The following DMAC2L variants were observed in gnomAD, a reference collection of about 807,000 sequenced individuals.
DMAC2L encodes distal membrane arm assembly component 2 like.
Under a neutral mutation model 22.5 loss-of-function variants are expected in DMAC2L, and 21 were observed. The observed-to-expected ratio is 0.93, with a 90% CI of 0.66 to 1.34. The LOEUF is 1.34. Among genes scored for constraint, DMAC2L ranks in the 40% most tolerant of loss-of-function variants. The probability of loss-of-function intolerance (pLI) is 0.00; values close to 1 mark genes in which losing one functional copy is unlikely to be tolerated. For synonymous variants in DMAC2L, 86 were observed against 89.5 expected (o/e 0.96, Z 0.22); for missense variants, 239 against 246.5 (o/e 0.97, Z 0.20).
chr14:50,319,032 G>A, intron 2 of DMAC2L: 1 of 985,400 alleles, frequency 1.0e-6, no homozygotes. Context: ...ATGAATGAAT[G>A]GACATGGCAT....
At chr14:50,313,141 A>G in intron 1 of DMAC2L, 1 of 1,202,086 alleles carries the variant, frequency 8.3e-7, no homozygotes, top group Non-Finnish European at 1.2e-6. Flanking sequence ...ACTCTTTAAA[A>G]TTGTCACTGT....
intron 1 of DMAC2L, 118 bp from the exon 2 acceptor site, chr14:50,314,473 T>A (rs894462901): frequency 6.6e-6 from 3 of 452,642 alleles, no homozygotes; most frequent in African/African-American, 6.0e-5. Flanking sequence ...ACAAGTACAT[T>A]CAACTGTTCA....
chr14:50,314,180 G>A (rs1418031178), intron 1 of DMAC2L, among the ~76,000 whole-genome samples: 2 of 152,302 alleles, frequency 1.3e-5, no homozygotes, highest in Non-Finnish European at 1.5e-5. Context: ...GTTGTGGGAG[G>A]AACCAGGTGG....
chr14:50,319,237 A>G (rs1382255527), intron 2 of DMAC2L: 10 of 1,536,162 alleles, frequency 6.5e-6, no homozygotes, highest in South Asian at 2.4e-5. Context: ...TGAGAACATG[A>G]TAAGAGGTAG....
intron 5 of DMAC2L, chr14:50,324,695 T>C (rs1321283508): frequency 6.6e-6 from 1 of 152,162 alleles, no homozygotes; most frequent in East Asian, 1.9e-4. Flanking sequence ...AAACAGATAA[T>C]ACTAGCAAGG....
At chr14:50,323,331 C>T (rs7149196) in intron 4 of DMAC2L, among the ~76,000 whole-genome samples, 60,327 of 148,932 alleles carry the variant, frequency 0.41, 12,670 homozygotes, top group East Asian at 0.61. Flanking sequence ...CCTCATGATC[C>T]GCCTGCCTCG....
chr14:50,312,066 AC>A (rs1272080274), upstream of DMAC2L: 2 of 1,598,230 alleles, frequency 1.3e-6, no homozygotes, highest in African/African-American at 2.7e-5. Context: ...CCAGACGCGA[AC>A]CCGCACGCCC....
At chr14:50,319,766 GA>G (rs1393684132) in intron 2 of DMAC2L, among the ~76,000 whole-genome samples, 1 of 152,028 alleles carries the variant, frequency 6.6e-6, no homozygotes, top group South Asian at 2.1e-4. Context: ...AAAACTAAAA[GA>G]AAAAAATCTG....
At chr14:50,319,245 T>A in intron 2 of DMAC2L, 1 of 1,535,966 alleles carries the variant, frequency 6.5e-7, no homozygotes, top group African/African-American at 1.4e-5. Flanking sequence ...TGATAAGAGG[T>A]AGTGGAGCAG....
intron 2 of DMAC2L, among the ~76,000 whole-genome samples, chr14:50,316,964 G>A (rs1160147102): frequency 6.6e-6 from 1 of 152,100 alleles, no homozygotes; most frequent in East Asian, 1.9e-4. Context: ...GTATTGATGG[G>A]AAGACTAATA....
At chr14:50,312,006 C>A (rs1410776201), upstream of DMAC2L, 1 of 1,560,080 alleles carries the variant, frequency 6.4e-7, no homozygotes, top group Admixed American at 1.9e-5. Flanking sequence ...CCAGCGGCCA[C>A]TCACCTGGTG....
At position 50,319,247 on chromosome 14, in the gene DMAC2L, G is replaced by A. The variant is rs533960936; in HGVS notation, c.-5-2236G>A. On this transcript the variant is annotated intron_variant, in intron 2 of 5. Transcript: ENST00000557421. ...AGGGTTGAGAACATGATAAGAGGTA[G>A]TGGAGCAGAGGCTTGCAGTAATGAA... is the stretch of plus-strand genomic sequence containing the variant. The A allele has an allele frequency of 1.2e-5, 19 of 1,536,188 alleles. No individual in the cohort carries two copies. The South Asian group carries it at 2.0e-4, about 16-fold the overall frequency.
Position 50,321,558 on chromosome 14 carries a change from G to C in DMAC2L, c.71G>C (p.Arg24Thr), listed in dbSNP as rs1355345120. The change falls in exon 3 of 6, where the codon AGA becomes ACA. Residue 24 changes from arginine (R) to threonine (T), a missense_variant. By Grantham distance (71) the Arg-to-Thr change is moderately conservative. Coordinates refer to ENST00000557421, the MANE Select transcript of DMAC2L (RefSeq NM_001382507.1). ...AAACTCCCATGGTCATGTGACTCCA[G>C]ATACTTCTGGGGCTGGTTGAATGCA... is the stretch of plus-strand genomic sequence containing the variant. ...VKKLPWSCDS[R>T]YFWGWLNAVF... 3 of 1,614,068 alleles carry C rather than the reference G, an allele frequency of 1.9e-6. No individual in the cohort carries two copies.
chr14:50,319,165 C>G, intron 2 of DMAC2L: 2 of 1,533,870 alleles, frequency 1.3e-6, no homozygotes, highest in Non-Finnish European at 8.7e-7. Flanking sequence ...AGATTGACAA[C>G]TAATAGAGTT....
At chr14:50,317,461 A>G (rs2031901773) in intron 2 of DMAC2L, among the ~76,000 whole-genome samples, 1 of 152,098 alleles carries the variant, frequency 6.6e-6, no homozygotes, top group African/African-American at 2.4e-5. Flanking sequence ...TTCCAGTACT[A>G]TGTTGAATAG....
At chr14:50,319,118 C>A in intron 2 of DMAC2L, 1 of 1,490,858 alleles carries the variant, frequency 6.7e-7, no homozygotes, top group Non-Finnish European at 8.9e-7. Flanking sequence ...GAGAAAACAG[C>A]CTGAGTAGAA....
At chr14:50,313,828 A>G (rs1300486527) in intron 1 of DMAC2L, among the ~76,000 whole-genome samples, 1 of 152,216 alleles carries the variant, frequency 6.6e-6, no homozygotes, top group Non-Finnish European at 1.5e-5. Flanking sequence ...CAGTCAAGGT[A>G]CAGCCCAGGT....
intron 2 of DMAC2L, among the ~76,000 whole-genome samples, chr14:50,316,700 C>T (rs1769526205): frequency 6.6e-6 from 1 of 152,110 alleles, no homozygotes; most frequent in South Asian, 2.1e-4. Context: ...GATCAGTTGG[C>T]TATAAGTATT....
chr14:50,325,687 A>G lies in DMAC2L; in HGVS notation c.567A>G (p.Ala189=). Residue 189 remains alanine, a synonymous_variant, in exon 6 of 6, where the codon GCA becomes GCG. Coordinates refer to ENST00000557421, the MANE Select transcript of DMAC2L (RefSeq NM_001382507.1). ...KENLVQAFKT[A]LPSLELKLQL... is the part of the protein sequence containing the mutation. ...ATCTTGTCCAAGCCTTTAAGACAGC[A>G]CTGCCTTCTCTGGAACTAAAATTAC... is the stretch of plus-strand genomic sequence containing the variant. The G allele has an allele frequency of 6.2e-7, 1 of 1,612,966 alleles. No homozygotes were observed. Among genetic ancestry groups the G allele is most frequent in the Non-Finnish European group, 8.5e-7 (1 of 1,179,500 alleles).
Sources: gnomAD v4.1 joint callset for allele counts (sites outside exome capture counted in the v4.1 genomes callset) on GRCh38, gnomAD v4.1.1 for gene constraint, MANE v1.5 for transcripts, NCBI Gene and HGNC (gene_info 2026-07-23, HGNC 2026-07-21) for gene names.